EPHB1: variants seen among roughly 807,000 people sequenced by gnomAD.
EPHB1 encodes ephrin type-B receptor 1.
A neutral mutation model predicts 94.4 loss-of-function variants in EPHB1; 30 were observed. That is an observed-to-expected ratio of 0.32 (90% CI 0.24 to 0.43). The LOEUF is 0.43. Ranked by LOEUF, EPHB1 falls within the 20% of genes least tolerant of loss-of-function variation. The pLI is 1.00. For synonymous variants in EPHB1, 522 were observed against 489.1 expected (o/e 1.07, Z -0.89); for missense variants, 1,055 against 1,308.3 (o/e 0.81, Z 2.99).
chr3:134,840,317 G>A (rs1370633509), intron 1 of EPHB1: 3 of 152,200 alleles, frequency 2.0e-5, no homozygotes, highest in Non-Finnish European at 2.9e-5. Context: ...AGGTGAGGTT[G>A]CCTGGTGGGG....
chr3:134,851,450 T>C (rs4955506), intron 1 of EPHB1, among the ~76,000 whole-genome samples: 151,799 of 152,090 alleles, frequency 1, 75,755 homozygotes, highest in Middle Eastern at 1. Context: ...TTTCCTCCCT[T>C]CCTCCATCCC....
At chr3:135,031,143 A>T (rs1253852213) in intron 3 of EPHB1, among the ~76,000 whole-genome samples, 2 of 152,140 alleles carry the variant, frequency 1.3e-5, no homozygotes, top group African/African-American at 4.8e-5. Flanking sequence ...TAGTGAGATG[A>T]ACCCCGTACC....
intron 3 of EPHB1, among the ~76,000 whole-genome samples, chr3:135,098,346 G>A (rs907751469): frequency 5.3e-5 from 8 of 151,784 alleles, no homozygotes; most frequent in South Asian, 2.1e-4. Context: ...GTTTGAGTGT[G>A]TGTGTGTGTG....
At chr3:134,923,532 C>T (rs1231392410) in intron 1 of EPHB1, among the ~76,000 whole-genome samples, 1 of 152,174 alleles carries the variant, frequency 6.6e-6, no homozygotes, top group Non-Finnish European at 1.5e-5. Flanking sequence ...CTGGTGGGGC[C>T]ATTGGCCACT....
At chr3:134,825,905 C>T (rs2036468249) in intron 1 of EPHB1, among the ~76,000 whole-genome samples, 1 of 152,056 alleles carries the variant, frequency 6.6e-6, no homozygotes. Context: ...ACCATATCTG[C>T]ATTGTTTTTC....
At chr3:135,002,535 A>T (rs1935222314) in intron 3 of EPHB1, among the ~76,000 whole-genome samples, 1 of 151,794 alleles carries the variant, frequency 6.6e-6, no homozygotes, top group African/African-American at 2.4e-5. Flanking sequence ...AAGGAATGGT[A>T]CCAGTTCCTC....
chr3:134,969,788 GA>G (rs781218050), intron 3 of EPHB1, among the ~76,000 whole-genome samples: 19 of 152,092 alleles, frequency 1.2e-4, no homozygotes, highest in Non-Finnish European at 2.2e-4. Flanking sequence ...GAGTCTGCTG[GA>G]AAAAATCTGC....
intron 5 of EPHB1, among the ~76,000 whole-genome samples, chr3:135,146,349 G>A (rs1941009006): frequency 1.3e-5 from 2 of 152,244 alleles, no homozygotes; most frequent in African/African-American, 4.8e-5. Flanking sequence ...TGGCTACAGA[G>A]TAGTTTGAAG....
At chr3:134,992,497 T>G (rs905960983) in intron 3 of EPHB1, among the ~76,000 whole-genome samples, 6 of 152,240 alleles carry the variant, frequency 3.9e-5, no homozygotes, top group African/African-American at 1.2e-4. Flanking sequence ...AAGACAACCA[T>G]GCCACAAATA....
chr3:134,903,159 A>G (rs1468853758), intron 1 of EPHB1, among the ~76,000 whole-genome samples: 2 of 152,228 alleles, frequency 1.3e-5, no homozygotes, highest in Non-Finnish European at 2.9e-5. Flanking sequence ...AAAAATAAAT[A>G]GAAATAAAAG....
intron 3 of EPHB1, among the ~76,000 whole-genome samples, chr3:135,020,583 C>T (rs1935956229): frequency 6.6e-6 from 1 of 152,184 alleles, no homozygotes; most frequent in Admixed American, 6.5e-5. Context: ...AAGGTTGTAG[C>T]ATGTCTCAAT....
intron 1 of EPHB1, among the ~76,000 whole-genome samples, chr3:134,821,486 C>T (rs1379529647): frequency 6.7e-6 from 1 of 149,238 alleles, no homozygotes; most frequent in East Asian, 1.9e-4. Flanking sequence ...AGGAATTAGC[C>T]AGTAAAGTGA....
At chr3:134,862,499 CAAAA>C (rs11315176) in intron 1 of EPHB1, among the ~76,000 whole-genome samples, 1 of 133,936 alleles carries the variant, frequency 7.5e-6, no homozygotes, top group Non-Finnish European at 1.6e-5. Flanking sequence ...CTTGTAAGCT[CAAAA>C]AAAAAAAAAA....
intron 5 of EPHB1, among the ~76,000 whole-genome samples, chr3:135,146,619 C>A (rs1941019356): frequency 6.6e-6 from 1 of 152,210 alleles, no homozygotes; most frequent in Non-Finnish European, 1.5e-5. Context: ...TCAAGGGAAA[C>A]CAGCTCTCTT....
At chr3:135,224,674 T>C (rs1943352321) in intron 12 of EPHB1, among the ~76,000 whole-genome samples, 1 of 152,238 alleles carries the variant, frequency 6.6e-6, no homozygotes, top group African/African-American at 2.4e-5. Flanking sequence ...TTGATGAGTC[T>C]TATCTGAACT....
At chr3:134,883,310 G>A (rs1321793002) in intron 1 of EPHB1, among the ~76,000 whole-genome samples, 1 of 152,178 alleles carries the variant, frequency 6.6e-6, no homozygotes, top group East Asian at 1.9e-4. Flanking sequence ...AGATCCACAG[G>A]CAGACATGAG....
chr3:135,154,952 A>G (rs1941305959), intron 6 of EPHB1, among the ~76,000 whole-genome samples: 2 of 152,212 alleles, frequency 1.3e-5, no homozygotes, highest in African/African-American at 4.8e-5. Flanking sequence ...AGGAAAATAC[A>G]GTGCCTTCCG....
At chr3:134,937,192 A>G (rs1166545138) in intron 2 of EPHB1, among the ~76,000 whole-genome samples, 1 of 152,258 alleles carries the variant, frequency 6.6e-6, no homozygotes, top group Non-Finnish European at 1.5e-5. Flanking sequence ...GGAATGGAAT[A>G]CTTTTTCTCA....
chr3:134,905,270 G>A (rs997001952), intron 1 of EPHB1, among the ~76,000 whole-genome samples: 4 of 152,052 alleles, frequency 2.6e-5, no homozygotes, highest in East Asian at 1.9e-4. Flanking sequence ...GGCTGAGGGG[G>A]CCCCAGGAGC....
Sources: gnomAD v4.1 joint callset for allele counts (sites outside exome capture counted in the v4.1 genomes callset) on GRCh38, gnomAD v4.1.1 for gene constraint, MANE v1.5 for transcripts, NCBI Gene and HGNC (gene_info 2026-07-23, HGNC 2026-07-21) for gene names.